PCDH9: variants seen among roughly 807,000 people sequenced by gnomAD.
PCDH9 encodes the protein protocadherin 9.
PCDH9 carries 24 observed loss-of-function variants against 70.6 expected under a neutral mutation model. The observed-to-expected ratio is 0.34, with a 90% confidence interval of 0.25 to 0.48. The LOEUF is 0.48. PCDH9 is among the 20% of genes least tolerant of loss of function. The pLI is 0.99. For synonymous variants in PCDH9, 562 were observed against 558.5 expected, an observed-to-expected ratio of 1.01 and a Z score of -0.09; for missense variants, 1,281 against 1,503.6, an observed-to-expected ratio of 0.85 and a Z score of 2.45.
intron 2 of PCDH9, among the ~76,000 whole-genome samples, chr13:66,948,646 T>A (rs2083128843): frequency 6.6e-6 from 1 of 152,014 alleles, no homozygotes; most frequent in Non-Finnish European, 1.5e-5. Flanking sequence ...AGGAAACAGG[T>A]AAATGCCTAG....
chr13:66,899,049 C>T (rs900265887), intron 3 of PCDH9, among the ~76,000 whole-genome samples: 1 of 151,974 alleles, frequency 6.6e-6, no homozygotes, highest in African/African-American at 2.4e-5. Context: ...TCTCCTCTCA[C>T]GCACCCCTCT....
At chr13:67,053,098 T>A (rs2085352656) in intron 2 of PCDH9, among the ~76,000 whole-genome samples, 1 of 151,788 alleles carries the variant, frequency 6.6e-6, no homozygotes, top group Non-Finnish European at 1.5e-5. Context: ...TCAAGGTGGA[T>A]GAAATAAAGA....
At chr13:66,476,190 G>A (rs544549635) in intron 4 of PCDH9, among the ~76,000 whole-genome samples, 2 of 151,934 alleles carry the variant, frequency 1.3e-5, no homozygotes, top group African/African-American at 2.4e-5. Context: ...TTTGTTTATT[G>A]TTCAAGTTTT....
chr13:66,458,282 C>T (rs1323829341), intron 4 of PCDH9, among the ~76,000 whole-genome samples: 1 of 151,834 alleles, frequency 6.6e-6, no homozygotes, highest in African/African-American at 2.4e-5. Flanking sequence ...TTCTTATTTA[C>T]TTAAATATAA....
chr13:67,202,769 T>C (rs942924714), intron 2 of PCDH9: 1 of 152,132 alleles, frequency 6.6e-6, no homozygotes, highest in African/African-American at 2.4e-5. Flanking sequence ...ATCAGAGCTA[T>C]TCACATTCAA....
chr13:67,165,996 A>G (rs145053445), intron 2 of PCDH9, among the ~76,000 whole-genome samples: 7 of 152,328 alleles, frequency 4.6e-5, no homozygotes, highest in African/African-American at 1.2e-4. Context: ...ATTCAAAACA[A>G]CATGATTAAT....
At chr13:66,898,151 TA>T (rs2082214043) in intron 3 of PCDH9, among the ~76,000 whole-genome samples, 1 of 152,058 alleles carries the variant, frequency 6.6e-6, no homozygotes, top group Non-Finnish European at 1.5e-5. Flanking sequence ...GACTGAGATG[TA>T]AAATATTGCT....
chr13:66,385,316 T>A (rs867900807), intron 4 of PCDH9, among the ~76,000 whole-genome samples: 2 of 152,174 alleles, frequency 1.3e-5, no homozygotes, highest in African/African-American at 4.8e-5. Context: ...CAAAGAATGA[T>A]AAATGAGCAT....
chr13:67,111,677 GGGAGTGGAATAGTTACT>G (rs1398990312), intron 2 of PCDH9, among the ~76,000 whole-genome samples: 1 of 152,080 alleles, frequency 6.6e-6, no homozygotes, highest in African/African-American at 2.4e-5. Flanking sequence ...TTATTTAAGT[GGGAGTGGAATAGTTACT>G]GGAAATTAGC....
At chr13:67,105,856 AATCTCAAGAATAC>A (rs1348319154) in intron 2 of PCDH9, among the ~76,000 whole-genome samples, 1 of 151,654 alleles carries the variant, frequency 6.6e-6, no homozygotes, top group Non-Finnish European at 1.5e-5. Flanking sequence ...TAAAGTTAGT[AATCTCAAGAATAC>A]ATATATGTTT....
At position 67,108,036 on chromosome 13, in the gene PCDH9, C is replaced by T. The variant is rs369220094; in HGVS notation, c.3036+117369G>A. On this transcript the variant is annotated intron_variant, in intron 2 of 4. Transcript: ENST00000377865. ...ACCTGTGCCAGCACCTGGAGCTGCC[C>T]GTCCTGCCACAGCAGCCAGAATGCC... 4.3e-4 allele frequency among the ~76,000 whole-genome samples: 66 copies of T among 152,320 alleles called. No homozygotes were observed. In the South Asian group the frequency reaches 0.011, roughly 26 times the overall value.
intron 4 of PCDH9, among the ~76,000 whole-genome samples, chr13:66,556,017 C>G (rs1254553742): frequency 2.9e-5 from 4 of 140,012 alleles, no homozygotes; most frequent in African/African-American, 9.3e-5. Flanking sequence ...TACTGAAAGA[C>G]AGAGAACACA....
intron 4 of PCDH9, among the ~76,000 whole-genome samples, chr13:66,350,242 C>T (rs1956272936): frequency 6.6e-6 from 1 of 152,214 alleles, no homozygotes; most frequent in Non-Finnish European, 1.5e-5. Context: ...CCTCTTCTTT[C>T]TGACTCCCCA....
At chr13:66,501,127 A>T (rs940849126) in intron 4 of PCDH9, among the ~76,000 whole-genome samples, 2 of 152,178 alleles carry the variant, frequency 1.3e-5, no homozygotes. Flanking sequence ...GGCCAAACTT[A>T]AGAACTGCTA....
At chr13:66,775,923 C>T (rs2079884847) in intron 3 of PCDH9, among the ~76,000 whole-genome samples, 1 of 152,010 alleles carries the variant, frequency 6.6e-6, no homozygotes, top group Non-Finnish European at 1.5e-5. Flanking sequence ...CCCGAACTCC[C>T]CTATGTTACA....
chr13:66,626,311 A>C (rs1390390098), intron 4 of PCDH9, among the ~76,000 whole-genome samples: 1 of 152,204 alleles, frequency 6.6e-6, no homozygotes, highest in Non-Finnish European at 1.5e-5. Context: ...GCTAGATTAC[A>C]TCGTAGAGTC....
chr13:66,602,617 T>TA (rs58352094), intron 4 of PCDH9, among the ~76,000 whole-genome samples: 137,609 of 144,914 alleles, frequency 0.95, 66,133 homozygotes, highest in East Asian at 1. Flanking sequence ...CAAAAATTTT[T>TA]AAAAGTAAAA....
intron 3 of PCDH9, among the ~76,000 whole-genome samples, chr13:66,660,241 C>T (rs2077990371): frequency 6.6e-6 from 1 of 152,214 alleles, no homozygotes; most frequent in African/African-American, 2.4e-5. Context: ...CTCTCATTCA[C>T]TTGCAGAAGC....
intron 4 of PCDH9, among the ~76,000 whole-genome samples, chr13:66,505,811 T>G (rs1254734472): frequency 2.0e-5 from 3 of 152,030 alleles, no homozygotes; most frequent in African/African-American, 7.2e-5. Context: ...GAGATTTGGG[T>G]GGGGGCACAG....
Sources: allele counts gnomAD v4.1 joint callset (sites outside exome capture counted in the v4.1 genomes callset), GRCh38; gene constraint gnomAD v4.1.1; transcripts MANE v1.5; gene names NCBI Gene and HGNC (gene_info 2026-07-23, HGNC 2026-07-21).